The following SYTL2 variants were observed in gnomAD, a reference collection of about 807,000 sequenced individuals.
The protein encoded by SYTL2 is synaptotagmin-like protein 2.
Under a neutral mutation model 198.7 loss-of-function variants are expected in SYTL2, and 165 were observed. The observed-to-expected ratio is 0.83, with a 90% CI of 0.73 to 0.94. The LOEUF (loss-of-function observed/expected upper bound fraction) is 0.94, where lower values mean the gene tolerates loss of function less well. SYTL2 is among the 40% of genes least tolerant of loss of function. The probability of loss-of-function intolerance (pLI) is 0.00; values close to 1 mark genes in which losing one functional copy is unlikely to be tolerated. For synonymous variants in SYTL2, 966 were observed against 917.7 expected (o/e 1.05, Z -0.95); for missense variants, 2,835 against 2,582.8 (o/e 1.10, Z -2.12).
chr11:85,713,270 A>G (rs2153431191), intron 12 of SYTL2, among the ~76,000 whole-genome samples: 1 of 152,338 alleles, frequency 6.6e-6, no homozygotes, highest in Admixed American at 6.5e-5. Flanking sequence ...TACTAAGAGA[A>G]TTCTTGATAA....
At chr11:85,853,453 T>A in the SYTL2 span, 10 of 382,560 alleles carry the variant, frequency 2.6e-5, no homozygotes, top group Middle Eastern at 1.8e-3. Context: ...AAACAGATGC[T>A]TGAAGGCAGC....
chr11:85,704,036 C>G lies in SYTL2; in HGVS notation c.6189+822G>C, dbSNP rs181478400. 3.6e-3 allele frequency among the ~76,000 whole-genome samples: 554 copies of G among 152,030 alleles called. 3 individuals carry two copies. The highest frequency in any genetic ancestry group is 0.013 in the African/African-American group (530 of 41,506). On this transcript the variant is annotated intron_variant, in intron 16 of 19. Coordinates refer to ENST00000359152, the MANE Select transcript of SYTL2 (RefSeq NM_206927.4). ...AGAAAACAGGACAAATAGTAAGATACTAGATTTGGACCCAAATACATCAAT... is the reference window on the plus strand; with the variant it reads ...AGAAAACAGGACAAATAGTAAGATAGTAGATTTGGACCCAAATACATCAAT...
Position 85,727,556 on chromosome 11 carries a change from G to C in SYTL2, c.1802C>G (p.Ser601Cys), listed in dbSNP as rs1257228980. The change falls in exon 8 of 20, where the codon TCT becomes TGT. Residue 601 changes from serine to cysteine, a missense_variant. Coordinates refer to ENST00000359152, the MANE Select transcript of SYTL2 (RefSeq NM_206927.4). ...PFQAEGDMLV[S>C]ESCQDNNVNI... is the part of the protein sequence containing the mutation. ...CACATTATTATCTTGGCAACTTTCA[G>C]AAACCAGCATATCTCCCTCTGCTTG... is the stretch of plus-strand genomic sequence containing the variant. 6.5e-7 allele frequency: 1 copy of C among 1,536,048 alleles called. No individual in the cohort carries two copies. The highest frequency in any genetic ancestry group is 2.4e-5 in the East Asian group (1 of 40,910).
At chr11:85,846,627 A>G in the SYTL2 span, among the ~76,000 whole-genome samples, 1 of 151,808 alleles carries the variant, frequency 6.6e-6, no homozygotes, top group Non-Finnish European at 1.5e-5. Flanking sequence ...CAGTTTCACC[A>G]TGTTGGTCAG....
chr11:85,760,713 G>A (rs1461112245), intron 1 of SYTL2, among the ~76,000 whole-genome samples: 1 of 152,086 alleles, frequency 6.6e-6, no homozygotes, highest in African/African-American at 2.4e-5. Flanking sequence ...AACTGGCAGG[G>A]TTGCTGAAAT....
Position 85,725,051 on chromosome 11 carries a change from G to T in SYTL2, c.4307C>A (p.Ser1436Tyr). The change falls in exon 8 of 20, where the codon TCC becomes TAC. Residue 1436 changes from serine to tyrosine, a missense_variant. Around this residue, in one of 3 missense-constraint regions of SYTL2, gnomAD observed 2,645 missense variants for 2,381.7 expected, o/e 1.11. Coordinates refer to ENST00000359152, the MANE Select transcript of SYTL2 (RefSeq NM_206927.4). ...ATGAGTTTTATCAGGAACTACATTG[G>T]AGGAATAAAAATCCTTCCTGTCTGG... is the stretch of plus-strand genomic sequence containing the variant. ...IVPDRKDFYSSNVVPDKTHEV... is the reference protein window; with the variant it reads ...IVPDRKDFYSYNVVPDKTHEV... The T allele has an allele frequency of 6.2e-7, 1 of 1,614,164 alleles. No homozygotes were observed. Among genetic ancestry groups the T allele is most frequent in the Non-Finnish European group, 8.5e-7 (1 of 1,180,012 alleles).
rs1373395415 is a variant in SYTL2, at chr11:85,696,197, A to C, written c.6560T>G (p.Ile2187Ser). ...LTNQFLGGLR[I>S]GFGTGKSYGT... ...GCAAACAGTACCTGTTCCAAAGCCAATACGAAGACCTCCCAAAAATTGGTT... is the reference window on the plus strand; with the variant it reads ...GCAAACAGTACCTGTTCCAAAGCCACTACGAAGACCTCCCAAAAATTGGTT... The change falls in exon 19 of 20, where the codon ATT becomes AGT. Residue 2187 changes from isoleucine (I) to serine (S), a missense_variant. Physicochemically the swap from Ile to Ser is moderately radical, Grantham distance 142. Coordinates refer to ENST00000359152, the MANE Select transcript of SYTL2 (RefSeq NM_206927.4). 11 of 1,614,128 alleles carry C rather than the reference A, an allele frequency of 6.8e-6. No individual in the cohort carries two copies. Among genetic ancestry groups the C allele is most frequent in the Non-Finnish European group, 7.6e-6 (9 of 1,179,970 alleles).
the SYTL2 span, among the ~76,000 whole-genome samples, chr11:85,848,217 T>C: frequency 6.7e-6 from 1 of 150,336 alleles, no homozygotes; most frequent in Non-Finnish European, 1.5e-5. Context: ...TCCAGCCTGG[T>C]GACAGAGCAA....
intron 15 of SYTL2, among the ~76,000 whole-genome samples, chr11:85,706,276 C>G (rs11826413): frequency 0.058 from 8,838 of 152,204 alleles, 840 homozygotes; most frequent in African/African-American, 0.2. Context: ...TTTTGCAAAT[C>G]TGAAAACTAG....
At chr11:85,786,704 A>T (rs1354524087) in intron 1 of SYTL2, among the ~76,000 whole-genome samples, 1 of 152,206 alleles carries the variant, frequency 6.6e-6, no homozygotes, top group Non-Finnish European at 1.5e-5. Context: ...AGAGCTCTCT[A>T]TGGGGAGTTT....
intron 1 of SYTL2, among the ~76,000 whole-genome samples, chr11:85,770,068 C>T (rs1031508145): frequency 6.6e-6 from 1 of 152,210 alleles, no homozygotes; most frequent in East Asian, 1.9e-4. Flanking sequence ...GATTCATTAG[C>T]TCAGAACTCT....
chr11:85,836,613 T>A, the SYTL2 span, among the ~76,000 whole-genome samples: 1 of 152,046 alleles, frequency 6.6e-6, no homozygotes, highest in Non-Finnish European at 1.5e-5. Flanking sequence ...TTTCTCAGGG[T>A]AGATATGCAT....
chr11:85,713,809 G>A (rs939715043), intron 12 of SYTL2, among the ~76,000 whole-genome samples: 5 of 152,166 alleles, frequency 3.3e-5, no homozygotes, highest in Non-Finnish European at 7.3e-5. Flanking sequence ...ACAGTATATA[G>A]TATAGTCATT....
At chr11:85,848,270 A>C in the SYTL2 span, among the ~76,000 whole-genome samples, 1 of 145,292 alleles carries the variant, frequency 6.9e-6, no homozygotes, top group Non-Finnish European at 1.5e-5. Flanking sequence ...AAGAAAAAAG[A>C]AAAAAAAAAA....
chr11:85,813,034 A>C (rs1386159155), upstream of SYTL2, among the ~76,000 whole-genome samples: 1 of 152,168 alleles, frequency 6.6e-6, no homozygotes, highest in Non-Finnish European at 1.5e-5. Context: ...AAGGAACTAA[A>C]TACATGCTGT....
intron 14 of SYTL2, among the ~76,000 whole-genome samples, chr11:85,708,457 T>C (rs987881107): frequency 8.5e-5 from 13 of 152,154 alleles, no homozygotes; most frequent in African/African-American, 3.1e-4. Flanking sequence ...GGGAATACCA[T>C]TCAGCGTTTG....
chr11:85,706,686 T>C (rs2085205054), intron 15 of SYTL2, among the ~76,000 whole-genome samples: 1 of 152,290 alleles, frequency 6.6e-6, no homozygotes, highest in South Asian at 2.1e-4. Context: ...GTTCAGGTTG[T>C]GAAGGGACTG....
chr11:85,813,395 C>T (rs918462020), upstream of SYTL2, among the ~76,000 whole-genome samples: 4 of 152,190 alleles, frequency 2.6e-5, no homozygotes, highest in Non-Finnish European at 5.9e-5. Flanking sequence ...AGCATGATGC[C>T]TTGCACATAC....
rs1032126353 is a variant in SYTL2, at chr11:85,697,919, A to T, written c.6368+60T>A. ...CAGTATTACAGATATAGAGAACCGA[A>T]ACTAACCAGCAAAGACCAGGCTACA... On this transcript the variant is annotated intron_variant, in intron 18 of 19. Coordinates refer to ENST00000359152, the MANE Select transcript of SYTL2 (RefSeq NM_206927.4). The T allele has an allele frequency of 1.3e-5, 15 of 1,132,382 alleles. No individual in the cohort carries two copies. In the African/African-American group the frequency reaches 1.4e-4, roughly 10 times the overall value. 70.1% of individuals were successfully genotyped at this position (1,132,382 alleles called of 1,614,324 possible). A position where few individuals can be genotyped will look rare whatever the true frequency, so the allele number is the denominator to read the frequency against.
Sources: gnomAD v4.1 joint callset for allele counts (sites outside exome capture counted in the v4.1 genomes callset) on GRCh38, gnomAD v4.1.1 for gene constraint, gnomAD v4.1.1 regional missense constraint, MANE v1.5 for transcripts, NCBI Gene and HGNC (gene_info 2026-07-23, HGNC 2026-07-21) for gene names.